The following DSCAML1 variants were observed in gnomAD, a reference collection of about 807,000 sequenced individuals.
DSCAML1 encodes the protein DS cell adhesion molecule like 1.
In DSCAML1, 38 loss-of-function variants were observed where a neutral mutation model predicts 200.5. The ratio of observed to expected loss-of-function variants is 0.19; its 90% CI spans 0.15 to 0.25. The LOEUF (loss-of-function observed/expected upper bound fraction) is 0.25. Among genes scored for constraint, DSCAML1 ranks in the 10% least tolerant of loss-of-function variants. DSCAML1 has a pLI of 1.00. For missense variants in DSCAML1, 2,223 were observed against 2,858.8 expected (o/e 0.78, Z 5.07); for synonymous variants, 1,215 against 1,165.0 (o/e 1.04, Z -0.87).
Position 117,465,114 on chromosome 11 carries a change from G to A in DSCAML1, c.3093C>T (p.Pro1031=), listed in dbSNP as rs574227365. The A allele has an allele frequency of 2.4e-5, 38 of 1,614,074 alleles. No individual in the cohort carries two copies. The highest frequency in any genetic ancestry group is 3.3e-4 in the Middle Eastern group (2 of 6,062). The change falls in exon 17 of 33, where the codon CCC becomes CCT. Residue 1031 remains proline (P), a synonymous_variant. Coordinates refer to ENST00000651296, the MANE Select transcript of DSCAML1 (RefSeq NM_020693.4). ...GYQIGYRENS[P]GSNGQYSIVE... ...CGATGCTGTACTGCCCGTTGCTGCC[G>A]GGGCTGTTCTCTCTGTAGCCAATCT...
chr11:117,515,472 T>C (rs2049741603), intron 8 of DSCAML1, among the ~76,000 whole-genome samples: 1 of 152,178 alleles, frequency 6.6e-6, no homozygotes, highest in Admixed American at 6.5e-5. Context: ...ACATTGTCAT[T>C]GACTCACATG....
chr11:117,461,673 C>A, intron 17 of DSCAML1, 77 bp from the exon 18 acceptor site: 1 of 1,461,536 alleles, frequency 6.8e-7, no homozygotes, highest in Non-Finnish European at 9.3e-7. Context: ...GTGTCCCAGG[C>A]TGGGTCCCGC....
chr11:117,518,853 A>C lies in DSCAML1; in HGVS notation c.1214-91T>G. ...CCACCTCAGCAGGGGAGGAGGCAAA[A>C]AGCAGCCATAAGAGCAAACAAGAAC... On this transcript the variant is annotated intron_variant, in intron 6 of 32. Transcript: ENST00000651296. This position sits in a 1 kb window ranked among gnomAD's most constrained non-coding sequence, Gnocchi z 6.3. 1 of 1,390,470 alleles carries C rather than the reference A, an allele frequency of 7.2e-7. No homozygotes were observed. Among genetic ancestry groups the C allele is most frequent in the Non-Finnish European group, 9.5e-7 (1 of 1,047,570 alleles). The allele number at this position is 1,390,470 out of a possible 1,614,324, so 86.1% of individuals were successfully genotyped here. A position where few individuals can be genotyped will look rare whatever the true frequency, so the allele number is the denominator to read the frequency against.
intron 1 of DSCAML1, among the ~76,000 whole-genome samples, chr11:117,795,053 C>A (rs1447324527): frequency 6.6e-6 from 1 of 152,206 alleles, no homozygotes; most frequent in East Asian, 1.9e-4. Flanking sequence ...GGGCCTTTCT[C>A]CACCCCCAAC....
intron 3 of DSCAML1, among the ~76,000 whole-genome samples, chr11:117,557,470 C>A (rs994055729): frequency 6.6e-6 from 1 of 152,160 alleles, no homozygotes; most frequent in South Asian, 2.1e-4. Context: ...GGGTAGAAAG[C>A]GAGCCGCAGC....
chr11:117,726,816 C>T (rs1387473535), intron 3 of DSCAML1, among the ~76,000 whole-genome samples: 1 of 152,074 alleles, frequency 6.6e-6, no homozygotes, highest in African/African-American at 2.4e-5. Context: ...GGAGAATGAG[C>T]TTGGATTGTG....
At chr11:117,649,548 C>T (rs1349211008) in intron 3 of DSCAML1, among the ~76,000 whole-genome samples, 2 of 152,178 alleles carry the variant, frequency 1.3e-5, no homozygotes, top group Admixed American at 6.5e-5. Flanking sequence ...GTCACCAGGG[C>T]TTGGCTCTGC....
At chr11:117,524,658 A>T in intron 5 of DSCAML1, 147 bp downstream of exon 5, 2 of 1,019,932 alleles carry the variant, frequency 2.0e-6, no homozygotes, top group Non-Finnish European at 2.8e-6. Flanking sequence ...GGGCTTTTCC[A>T]GGATACCAGA....
intron 3 of DSCAML1, among the ~76,000 whole-genome samples, chr11:117,557,097 T>C (rs961128421): frequency 4.6e-5 from 7 of 152,166 alleles, no homozygotes; most frequent in African/African-American, 7.2e-5. Flanking sequence ...AAAGGGATTC[T>C]TCTGAGCACT....
chr11:117,521,528 C>T (rs2049887330), intron 5 of DSCAML1, 123 bp from the exon 6 acceptor site: 2 of 1,013,076 alleles, frequency 2.0e-6, no homozygotes, highest in Admixed American at 2.4e-5. Context: ...GTTCTGCCTC[C>T]AGACCCCTTG....
At chr11:117,554,223 G>A (rs982928020) in intron 3 of DSCAML1, among the ~76,000 whole-genome samples, 3 of 152,100 alleles carry the variant, frequency 2.0e-5, no homozygotes, top group Non-Finnish European at 4.4e-5. Context: ...AAATAGTGGC[G>A]ATGGCTGTAC....
intron 3 of DSCAML1, among the ~76,000 whole-genome samples, chr11:117,677,119 G>C (rs922227836): frequency 2.6e-5 from 4 of 152,178 alleles, no homozygotes; most frequent in African/African-American, 4.8e-5. Flanking sequence ...TCTCCTTTTG[G>C]CTCTGATATC....
At chr11:117,471,175 ATT>A (rs199988005) in intron 15 of DSCAML1, among the ~76,000 whole-genome samples, 3 of 141,540 alleles carry the variant, frequency 2.1e-5, no homozygotes, top group African/African-American at 7.7e-5. Flanking sequence ...ATTTTTCTGC[ATT>A]TTTTTTTTTT....
chr11:117,697,061 G>A (rs1349241347), intron 3 of DSCAML1, among the ~76,000 whole-genome samples: 3 of 152,280 alleles, frequency 2.0e-5, no homozygotes, highest in South Asian at 2.1e-4. Context: ...GCTTTGTAAC[G>A]GCTCTGGTAG....
chr11:117,749,705 T>C (rs11216527), intron 3 of DSCAML1, among the ~76,000 whole-genome samples: 16,592 of 152,186 alleles, frequency 0.11, 1,836 homozygotes, highest in African/African-American at 0.28. Context: ...TCCTAATGGG[T>C]CAGAACCAGC....
At chr11:117,720,090 G>GCTGGA (rs2054017314) in intron 3 of DSCAML1, among the ~76,000 whole-genome samples, 1 of 151,978 alleles carries the variant, frequency 6.6e-6, no homozygotes, top group African/African-American at 2.4e-5. Context: ...CTCCGTGGAA[G>GCTGGA]CTGGAAGGAC....
chr11:117,782,422 A>G (rs2055281293), intron 1 of DSCAML1, among the ~76,000 whole-genome samples: 1 of 152,244 alleles, frequency 6.6e-6, no homozygotes, highest in Non-Finnish European at 1.5e-5. Flanking sequence ...CACTGCACTC[A>G]TAGCAGCTAA....
intron 3 of DSCAML1, among the ~76,000 whole-genome samples, chr11:117,671,969 C>T (rs1408178576): frequency 6.6e-6 from 1 of 151,968 alleles, no homozygotes; most frequent in Non-Finnish European, 1.5e-5. Context: ...GGCGCGGTGG[C>T]AGGTGCCTGT....
Position 117,518,386 on chromosome 11 carries a change from T to C in DSCAML1, c.1510+80A>G, listed in dbSNP as rs1332251934. ...AATGACGATTAATAATAAGTACTAA[T>C]CAGCACAAGAATAATGGTAACCACA... is the stretch of plus-strand genomic sequence containing the variant. On this transcript the variant is annotated intron_variant, in intron 7 of 32. Coordinates refer to ENST00000651296, the MANE Select transcript of DSCAML1 (RefSeq NM_020693.4). The surrounding 1 kb of genome is among the most constrained non-coding windows in gnomAD (Gnocchi z 6.3). 1.3e-6 allele frequency: 2 copies of C among 1,574,368 alleles called. No individual in the cohort carries two copies. The highest frequency in any genetic ancestry group is 1.7e-5 in the Admixed American group (1 of 59,836).
Sources: gnomAD v4.1 joint callset for allele counts (sites outside exome capture counted in the v4.1 genomes callset) on GRCh38, gnomAD v4.1.1 for gene constraint, Gnocchi (gnomAD v3.1) non-coding constraint, MANE v1.5 for transcripts, NCBI Gene and HGNC (gene_info 2026-07-23, HGNC 2026-07-21) for gene names.